The following EHD3 variants were observed in gnomAD, a reference collection of about 807,000 sequenced individuals.
EHD3 encodes the protein EH domain-containing protein 3.
EHD3 carries 17 observed loss-of-function variants against 43.0 expected under a neutral mutation model. That is an observed-to-expected ratio of 0.40 (90% CI 0.27 to 0.59). EHD3 has a LOEUF of 0.59. Among genes scored for constraint, EHD3 ranks in the 20% least tolerant of loss-of-function variants. The pLI, the probability that EHD3 is intolerant of heterozygous loss-of-function variation, is 0.49. For missense variants in EHD3, 594 were observed against 705.6 expected, an observed-to-expected ratio of 0.84 and a Z score of 1.79; for synonymous variants, 313 against 289.5, an observed-to-expected ratio of 1.08 and a Z score of -0.82.
At chr2:31,238,532 C>T (rs1283795021) in intron 1 of EHD3, among the ~76,000 whole-genome samples, 1 of 152,248 alleles carries the variant, frequency 6.6e-6, no homozygotes, top group Non-Finnish European at 1.5e-5. Flanking sequence ...ATAAAATGAA[C>T]AGTAAATTGG....
intron 1 of EHD3, among the ~76,000 whole-genome samples, chr2:31,243,703 C>G (rs887859360): frequency 4.6e-5 from 7 of 152,020 alleles, no homozygotes; most frequent in African/African-American, 7.2e-5. Flanking sequence ...ATCTGCCCAC[C>G]TTGGCCTCCC....
intron 3 of EHD3, among the ~76,000 whole-genome samples, chr2:31,259,887 T>A (rs1311625100): frequency 6.6e-6 from 1 of 152,136 alleles, no homozygotes; most frequent in Non-Finnish European, 1.5e-5. Flanking sequence ...ATAATGACGT[T>A]AATAAGAGTT....
Position 31,269,055 on chromosome 2 carries a change from C to T in EHD3, c.*2351C>T, listed in dbSNP as rs1684006337. Reference sequence around the variant, plus strand: ...TGTTTGAGGGGACAGATGTGGGTCACTTTCCCTGGCAGTGCCCTCTAGCCT... The same window carrying T: ...TGTTTGAGGGGACAGATGTGGGTCATTTTCCCTGGCAGTGCCCTCTAGCCT... On this transcript the variant is annotated 3_prime_UTR_variant, in exon 6 of 6. Coordinates refer to ENST00000322054, the MANE Select transcript of EHD3 (RefSeq NM_014600.3). 1 of 152,248 alleles carries T rather than the reference C, an allele frequency of 6.6e-6. No individual in the cohort carries two copies. Among genetic ancestry groups the T allele is most frequent in the Non-Finnish European group, 1.5e-5 (1 of 68,066 alleles). 9.4% of individuals were successfully genotyped at this position (152,248 alleles called of 1,614,324 possible). A position where few individuals can be genotyped will look rare whatever the true frequency, so the allele number is the denominator to read the frequency against.
At chr2:31,240,278 C>T (rs1252982610) in intron 1 of EHD3, among the ~76,000 whole-genome samples, 1 of 152,180 alleles carries the variant, frequency 6.6e-6, no homozygotes, top group Admixed American at 6.5e-5. Flanking sequence ...CTCTGCTGTT[C>T]CCACCCTGGC....
intron 2 of EHD3, among the ~76,000 whole-genome samples, chr2:31,245,359 C>T (rs542890354): frequency 4.1e-4 from 62 of 151,936 alleles, no homozygotes; most frequent in Middle Eastern, 6.8e-3. Context: ...GAAAACACTT[C>T]GTGCCTGGCA....
intron 5 of EHD3, among the ~76,000 whole-genome samples, chr2:31,262,896 CAGAG>C (rs10531721): frequency 0.66 from 99,345 of 151,528 alleles, 32,816 homozygotes; most frequent in East Asian, 0.77. Context: ...GCCTGGGCAA[CAGAG>C]AAAGACTCCA....
intron 3 of EHD3, among the ~76,000 whole-genome samples, chr2:31,258,525 T>C (rs767823690): frequency 7.2e-5 from 11 of 152,100 alleles, no homozygotes; most frequent in Non-Finnish European, 1.3e-4. Flanking sequence ...GGTGCAGTGG[T>C]TCATAGCACT....
chr2:31,266,468 G>C lies in EHD3; in HGVS notation c.1372G>C (p.Val458Leu). 1 of 1,614,198 alleles carries C rather than the reference G, an allele frequency of 6.2e-7. No individual in the cohort carries two copies. Among genetic ancestry groups the C allele is most frequent in the Non-Finnish European group, 8.5e-7 (1 of 1,180,034 alleles). Residue 458 changes from valine to leucine, a missense_variant, in exon 6 of 6, where the codon GTG becomes CTG. Coordinates refer to ENST00000322054, the MANE Select transcript of EHD3 (RefSeq NM_014600.3). This position sits in a 1 kb window ranked among gnomAD's most constrained non-coding sequence, Gnocchi z 5.1. ...CGAGATCTTCTACACCCTGTCACCGGTGGATGGCAAGATCACAGGCGCTAA... is the reference window on the plus strand; with the variant it reads ...CGAGATCTTCTACACCCTGTCACCGCTGGATGGCAAGATCACAGGCGCTAA... ...YDEIFYTLSP[V>L]DGKITGANAK...
At chr2:31,245,544 T>C (rs1347505063) in intron 2 of EHD3, among the ~76,000 whole-genome samples, 3 of 54,588 alleles carry the variant, frequency 5.5e-5, no homozygotes, top group East Asian at 1.8e-3. Context: ...TATATATATA[T>C]ATATATATAT....
chr2:31,261,598 T>A lies in EHD3; in HGVS notation c.965T>A (p.Phe322Tyr), dbSNP rs1572473079. 6.2e-7 allele frequency: 1 copy of A among 1,614,118 alleles called. No individual in the cohort carries two copies. The highest frequency in any genetic ancestry group is 2.2e-5 in the East Asian group (1 of 44,876). Residue 322 changes from phenylalanine (F) to tyrosine (Y), a missense_variant, in exon 5 of 6, where the codon TTC becomes TAC. By Grantham distance (22) the Phe-to-Tyr change is conservative (BLOSUM62 3). Coordinates refer to ENST00000322054, the MANE Select transcript of EHD3 (RefSeq NM_014600.3). ...CTGAAGAAGGAGATGCCCTCGGTGTTCGGGAAGGACAACAAGAAGAAGGAG... is the reference window on the plus strand; with the variant it reads ...CTGAAGAAGGAGATGCCCTCGGTGTACGGGAAGGACAACAAGAAGAAGGAG... The part of the protein sequence containing the change: ...SSLKKEMPSV[F>Y]GKDNKKKELV...
In EHD3 at chr2:31,251,457, A is replaced by G. The variant is rs181412484; in HGVS notation, c.502+1989A>G. Among the ~76,000 whole-genome samples the G allele has an allele frequency of 7.9e-5, 12 of 152,240 alleles. No individual in the cohort carries two copies. In the East Asian group the frequency reaches 1.9e-3, roughly 25 times the overall value. On this transcript the variant is annotated intron_variant, in intron 3 of 5. Transcript: ENST00000322054. ...GGGAGTGGGGAGGCTGAACATCCTG[A>G]GAGGAAAGCCCTGCCCTTCCTCCTT...
chr2:31,238,931 G>A (rs1464217260), intron 1 of EHD3, among the ~76,000 whole-genome samples: 1 of 152,150 alleles, frequency 6.6e-6, no homozygotes, highest in East Asian at 1.9e-4. Context: ...GGGGAGGCTG[G>A]GCTGGTCTGG....
At chr2:31,261,409 A>G in intron 4 of EHD3, 140 bp from the exon 5 acceptor site, 1 of 982,644 alleles carries the variant, frequency 1.0e-6, no homozygotes, top group Non-Finnish European at 1.5e-6. Context: ...CCATGAGGGT[A>G]GAGGTAGAAA....
Position 31,234,899 on chromosome 2 carries a change from C to A in EHD3, c.227+51C>A, listed in dbSNP as rs745702667. 3 of 1,560,870 alleles carry A rather than the reference C, an allele frequency of 1.9e-6. No homozygotes were observed. In the South Asian group the frequency reaches 3.4e-5, roughly 17 times the overall value. Reference sequence around the variant, plus strand: ...CCCACCCCGGAGCCCAGCGCCTAGTCCCTCCGGTCACTCCTGGTGCTCCAT... The same window carrying A: ...CCCACCCCGGAGCCCAGCGCCTAGTACCTCCGGTCACTCCTGGTGCTCCAT... On this transcript the variant is annotated intron_variant, in intron 1 of 5. Coordinates refer to ENST00000322054, the MANE Select transcript of EHD3 (RefSeq NM_014600.3).
intron 1 of EHD3, among the ~76,000 whole-genome samples, chr2:31,238,539 T>C (rs1340414284): frequency 1.3e-5 from 2 of 152,232 alleles, no homozygotes; most frequent in Non-Finnish European, 2.9e-5. Flanking sequence ...GAACAGTAAA[T>C]TGGCTTGGCG....
chr2:31,243,418 A>ATT (rs1375759593), intron 1 of EHD3, among the ~76,000 whole-genome samples: 3 of 132,250 alleles, frequency 2.3e-5, no homozygotes, highest in East Asian at 2.2e-4. Flanking sequence ...ATGGAGATTC[A>ATT]TTTTTCTTTC....
intron 2 of EHD3, among the ~76,000 whole-genome samples, chr2:31,248,720 T>G (rs1218516145): frequency 1.3e-5 from 2 of 152,126 alleles, no homozygotes; most frequent in Non-Finnish European, 2.9e-5. Context: ...ACCCAGCCTG[T>G]TATCTTGCAC....
chr2:31,258,198 G>A (rs77456563), intron 3 of EHD3, among the ~76,000 whole-genome samples: 77 of 152,178 alleles, frequency 5.1e-4, no homozygotes, highest in Non-Finnish European at 9.1e-4. Flanking sequence ...ACTGGCATCC[G>A]GGTAACCAAA....
At chr2:31,262,052 C>T (rs1012660944) in intron 5 of EHD3, among the ~76,000 whole-genome samples, 1 of 152,212 alleles carries the variant, frequency 6.6e-6, no homozygotes. Context: ...GGATGGGTCA[C>T]CTGACCAAGG....
Sources: allele counts gnomAD v4.1 joint callset (sites outside exome capture counted in the v4.1 genomes callset), GRCh38; gene constraint gnomAD v4.1.1; non-coding constraint Gnocchi (gnomAD v3.1); transcripts MANE v1.5; gene names NCBI Gene and HGNC (gene_info 2026-07-23, HGNC 2026-07-21).